Variants in KCNT2 observed in about 807,000 individuals in gnomAD.
KCNT2 encodes the protein potassium sodium-activated channel subfamily T member 2, also known as potassium channel subfamily T member 2.
Under a neutral mutation model 153.8 loss-of-function variants are expected in KCNT2, and 67 were observed. The observed-to-expected ratio is 0.44, with a 90% CI of 0.36 to 0.53. The LOEUF (loss-of-function observed/expected upper bound fraction) is 0.53. KCNT2 is among the 20% of genes least tolerant of loss of function. The pLI, the probability that KCNT2 is intolerant of heterozygous loss-of-function variation, is 0.00. For missense variants in KCNT2, 975 were observed against 1,354.8 expected (o/e 0.72, Z 4.40); for synonymous variants, 500 against 458.8 (o/e 1.09, Z -1.15).
At chr1:196,604,229 A>T (rs79566541) in intron 1 of KCNT2, among the ~76,000 whole-genome samples, 3,157 of 152,296 alleles carry the variant, frequency 0.021, 118 homozygotes, top group African/African-American at 0.072. Context: ...CATCATCATA[A>T]CATAAACAAT....
intron 1 of KCNT2, among the ~76,000 whole-genome samples, chr1:196,504,199 G>T (rs960466296): frequency 7.3e-5 from 11 of 151,484 alleles, no homozygotes; most frequent in Non-Finnish European, 1.5e-4. Context: ...GCGTCATCTA[G>T]CATTAGGTAT....
Position 196,291,890 on chromosome 1 carries a change from G to A in KCNT2, c.2596-6132C>T, listed in dbSNP as rs186560238. On this transcript the variant is annotated intron_variant, in intron 22 of 27. Transcript: ENST00000294725. The stretch of plus-strand genomic sequence containing the variant: ...TTAAAAGGCTCTTATTTTACACTTC[G>A]GAAGATAAAATATTTAGAAATTAGT... 1.4e-3 allele frequency among the ~76,000 whole-genome samples: 214 copies of A among 152,026 alleles called. 2 individuals are homozygous for A. Among genetic ancestry groups the A allele is most frequent in the Admixed American group, 7.3e-3 (111 of 15,292 alleles).
rs560798062 is a variant in KCNT2, at chr1:196,409,963, T to C, written c.1186-11292A>G. On this transcript the variant is annotated intron_variant, in intron 12 of 27. Coordinates refer to ENST00000294725, the MANE Select transcript of KCNT2 (RefSeq NM_198503.5). ...TCCACATCACCATCAACTCTTTTTA[T>C]CTTGATTTTGATAATAACAATCCTA... is the stretch of plus-strand genomic sequence containing the variant. Among the ~76,000 whole-genome samples, 9 of 151,872 alleles carry C rather than the reference T, an allele frequency of 5.9e-5. No homozygotes were observed. In the East Asian group the frequency reaches 1.6e-3, roughly 26 times the overall value.
At chr1:196,401,777 G>A (rs563970893) in intron 12 of KCNT2, among the ~76,000 whole-genome samples, 56 of 151,618 alleles carry the variant, frequency 3.7e-4, no homozygotes, top group African/African-American at 1.3e-3. Context: ...ATGATTTTAA[G>A]AAATAATGAC....
intron 1 of KCNT2, among the ~76,000 whole-genome samples, chr1:196,541,210 A>C (rs144508538): frequency 1.3e-3 from 191 of 152,192 alleles, no homozygotes; most frequent in Non-Finnish European, 1.9e-3. Flanking sequence ...AGTAATAAAT[A>C]GAATATACGA....
rs1674504050 is a variant in KCNT2 at position 196,435,111 on chromosome 1, C to T, written c.639-5354G>A. 4.9e-5 allele frequency among the ~76,000 whole-genome samples: 5 copies of T among 101,350 alleles called. No homozygotes were observed. The South Asian group carries it at 1.7e-3, about 34-fold the overall frequency. The allele number at this position is 101,350 out of a possible 152,430, so 66.5% of individuals were successfully genotyped here. A position where few individuals can be genotyped will look rare whatever the true frequency, so the allele number is the denominator to read the frequency against. ...AGTTTAGGGGTGTTTTGCTATTTAG[C>T]AATAGATACTTATGTGTGTGTGTGT... On this transcript the variant is annotated intron_variant, in intron 8 of 27. Coordinates refer to ENST00000294725, the MANE Select transcript of KCNT2 (RefSeq NM_198503.5).
At chr1:196,241,224 A>C (rs977821649) in intron 26 of KCNT2, among the ~76,000 whole-genome samples, 20 of 151,558 alleles carry the variant, frequency 1.3e-4, no homozygotes, top group African/African-American at 4.6e-4. Context: ...TTGTTAGTAC[A>C]AGAAATACCT....
chr1:196,517,919 C>G (rs1344872050), intron 1 of KCNT2, among the ~76,000 whole-genome samples: 1 of 152,002 alleles, frequency 6.6e-6, no homozygotes, highest in African/African-American at 2.4e-5. Flanking sequence ...TACAGAGAAC[C>G]CCTGCAAGAT....
chr1:196,272,408 T>A (rs1658152586), intron 25 of KCNT2, among the ~76,000 whole-genome samples: 1 of 151,618 alleles, frequency 6.6e-6, no homozygotes, highest in African/African-American at 2.4e-5. Flanking sequence ...GGCCATGAAG[T>A]TTTTATGTCA....
chr1:196,466,011 A>G (rs1677582623), intron 7 of KCNT2, among the ~76,000 whole-genome samples: 2 of 152,050 alleles, frequency 1.3e-5, no homozygotes, highest in South Asian at 4.1e-4. Flanking sequence ...TTTGGATTTC[A>G]TCTCTCACCC....
intron 26 of KCNT2, among the ~76,000 whole-genome samples, chr1:196,256,119 A>G (rs1656462738): frequency 6.6e-6 from 1 of 151,972 alleles, no homozygotes; most frequent in South Asian, 2.1e-4. Context: ...TCCTTTTGGA[A>G]CTTATCTCCA....
intron 1 of KCNT2, among the ~76,000 whole-genome samples, chr1:196,585,748 T>C (rs1251249921): frequency 6.6e-6 from 1 of 152,162 alleles, no homozygotes; most frequent in Non-Finnish European, 1.5e-5. Flanking sequence ...GGTTTGTCAG[T>C]GTAATTCCTT....
At position 196,308,435 on chromosome 1, in the gene KCNT2, T is replaced by G. The variant is rs182986051; in HGVS notation, c.2484-3090A>C. ...GGACAAGTCTTGTGGTTGTCCAGTATGTCTCCTCACCATGGTTCTCAAGGG... is the reference window on the plus strand; with the variant it reads ...GGACAAGTCTTGTGGTTGTCCAGTAGGTCTCCTCACCATGGTTCTCAAGGG... On this transcript the variant is annotated intron_variant, in intron 21 of 27. Transcript: ENST00000294725. Among the ~76,000 whole-genome samples, 20 of 152,134 alleles carry G rather than the reference T, an allele frequency of 1.3e-4. No homozygotes were observed. The East Asian group carries it at 3.7e-3, about 28-fold the overall frequency.
At chr1:196,453,283 C>T (rs547502566) in intron 8 of KCNT2, among the ~76,000 whole-genome samples, 29 of 151,786 alleles carry the variant, frequency 1.9e-4, no homozygotes, top group African/African-American at 5.8e-4. Flanking sequence ...CTCAACACTA[C>T]GGCACTTGAG....
intron 14 of KCNT2, among the ~76,000 whole-genome samples, chr1:196,351,048 G>A (rs1442927418): frequency 6.6e-6 from 1 of 152,140 alleles, no homozygotes; most frequent in African/African-American, 2.4e-5. Flanking sequence ...GCTCTGTTCT[G>A]TTCCACTGAT....
chr1:196,522,883 A>T (rs958710538), intron 1 of KCNT2, among the ~76,000 whole-genome samples: 6 of 152,190 alleles, frequency 3.9e-5, no homozygotes, highest in African/African-American at 1.4e-4. Context: ...AAAATGGACC[A>T]ATCAGTGCTC....
At chr1:196,519,447 G>T (rs953091022) in intron 1 of KCNT2, among the ~76,000 whole-genome samples, 1 of 151,948 alleles carries the variant, frequency 6.6e-6, no homozygotes, top group African/African-American at 2.4e-5. Flanking sequence ...ATCAAAATCA[G>T]AGCTGAACTG....
At chr1:196,272,433 C>T (rs1558087619) in intron 25 of KCNT2, among the ~76,000 whole-genome samples, 1 of 151,420 alleles carries the variant, frequency 6.6e-6, no homozygotes, top group Non-Finnish European at 1.5e-5. Context: ...TCTGAAAAAC[C>T]TTTTTTTTGC....
At chr1:196,340,251 C>T in intron 16 of KCNT2, 90 bp downstream of exon 16, 1 of 837,520 alleles carries the variant, frequency 1.2e-6, no homozygotes, top group Non-Finnish European at 1.8e-6. Context: ...TTTCTTTAAA[C>T]TTTTAATAAA....
Sources: allele counts gnomAD v4.1 joint callset (sites outside exome capture counted in the v4.1 genomes callset), GRCh38; gene constraint gnomAD v4.1.1; transcripts MANE v1.5; gene names NCBI Gene and HGNC (gene_info 2026-07-23, HGNC 2026-07-21).